TET2: variants seen among roughly 807,000 people sequenced by gnomAD.
TET2 encodes the protein methylcytosine dioxygenase TET2.
Under a neutral mutation model 142.9 loss-of-function variants are expected in TET2, and 299 were observed. The ratio of observed to expected loss-of-function variants is 2.09; its 90% CI spans 1.90 to 2.30. The LOEUF is 2.30. Among genes scored for constraint, TET2 ranks in the 30% most tolerant of loss-of-function variants. The probability of loss-of-function intolerance (pLI) is 0.00; values close to 1 mark genes in which losing one functional copy is unlikely to be tolerated. For synonymous variants in TET2, 819 were observed against 849.0 expected (o/e 0.96, Z 0.61); for missense variants, 2,418 against 2,378.0 (o/e 1.02, Z -0.35).
In TET2 at chr4:105,254,191, T is replaced by C. The variant is rs150604143; in HGVS notation, c.3804-5428T>C. The stretch of plus-strand genomic sequence containing the variant: ...CTGTCTTAATTGAGATTGTAGAGAA[T>C]TCATATAATTTCTTCCTTAAAACTT... On this transcript the variant is annotated intron_variant, in intron 6 of 10. Coordinates refer to ENST00000380013, the MANE Select transcript of TET2 (RefSeq NM_001127208.3). 2.0e-3 allele frequency among the ~76,000 whole-genome samples: 310 copies of C among 152,362 alleles called. 1 individual carries two copies. The highest frequency in any genetic ancestry group is 7.2e-3 in the African/African-American group (301 of 41,592).
Position 105,276,232 on chromosome 4 carries a change from A to C in TET2, c.5722A>C (p.Asn1908His). The stretch of plus-strand genomic sequence containing the variant: ...CGTCTTTTACCAGCATAAGAGCATG[A>C]ATGAGCCAAAACATGGCTTGGCTCT... ...SLVFYQHKSM[N>H]EPKHGLALWE... Residue 1908 changes from asparagine (N) to histidine (H), a missense_variant, in exon 11 of 11, where the codon AAT becomes CAT. Transcript: ENST00000380013. The C allele has an allele frequency of 3.2e-6, 5 of 1,551,704 alleles. No homozygotes were observed. Among genetic ancestry groups the C allele is most frequent in the Non-Finnish European group, 3.5e-6 (4 of 1,146,978 alleles).
intron 2 of TET2, among the ~76,000 whole-genome samples, chr4:105,194,046 C>G (rs1725936692): frequency 6.6e-6 from 1 of 152,088 alleles, no homozygotes; most frequent in South Asian, 2.1e-4. Context: ...TGTTACATGA[C>G]TTTATAGCCA....
At chr4:105,225,576 G>A (rs1728142104) in intron 2 of TET2, among the ~76,000 whole-genome samples, 1 of 152,138 alleles carries the variant, frequency 6.6e-6, no homozygotes, top group African/African-American at 2.4e-5. Context: ...TTGGGTGGCT[G>A]ATATGCCCAC....
chr4:105,193,981 G>GAC (rs772906299), intron 2 of TET2, among the ~76,000 whole-genome samples: 2 of 152,208 alleles, frequency 1.3e-5, no homozygotes, highest in Middle Eastern at 3.4e-3. Flanking sequence ...GGAACCATTA[G>GAC]ACATCAGCTA....
rs2110231617 is a variant in TET2, at chr4:105,236,045, G to A, written c.2103G>A (p.Gln701=). 1.2e-6 allele frequency: 2 copies of A among 1,614,112 alleles called. No individual in the cohort carries two copies. Among genetic ancestry groups the A allele is most frequent in the Non-Finnish European group, 1.7e-6 (2 of 1,180,004 alleles). ...TEKLMSPVLK[Q]HLNQQASETE... is the part of the protein sequence containing the mutation. ...AACTTATGTCCCCAGTGTTGAAACA[G>A]CACTTGAATCAACAGGCTTCAGAGA... The change falls in exon 3 of 11, where the codon CAG becomes CAA. Residue 701 remains glutamine (Q), a synonymous_variant. Transcript: ENST00000380013.
chr4:105,196,411 C>G (rs764986909), intron 2 of TET2, among the ~76,000 whole-genome samples: 1 of 152,052 alleles, frequency 6.6e-6, no homozygotes. Flanking sequence ...CTACTTATCC[C>G]CTTTTCAGAG....
At chr4:105,233,013 TC>T (rs1242246558) in intron 2 of TET2, among the ~76,000 whole-genome samples, 1 of 152,120 alleles carries the variant, frequency 6.6e-6, no homozygotes, top group African/African-American at 2.4e-5. Flanking sequence ...TTTACAATCT[TC>T]CTTTTGATAA....
chr4:105,203,855 G>A (rs1726630996), intron 2 of TET2, among the ~76,000 whole-genome samples: 1 of 152,082 alleles, frequency 6.6e-6, no homozygotes, highest in African/African-American at 2.4e-5. Context: ...GGCAAATTTA[G>A]TCTCCTCCCA....
chr4:105,200,892 T>C (rs4235413), intron 2 of TET2, among the ~76,000 whole-genome samples: 27,098 of 151,972 alleles, frequency 0.18, 3,568 homozygotes, highest in African/African-American at 0.37. Flanking sequence ...ATCTCTTGAC[T>C]TCATGATCTG....
chr4:105,238,021 A>G (rs1729058385), intron 3 of TET2: 3 of 668,820 alleles, frequency 4.5e-6, no homozygotes, highest in Non-Finnish European at 5.9e-6. Context: ...CCATACCACA[A>G]TAAAATGAAT....
At chr4:105,270,467 T>TA (rs1730896981) in intron 9 of TET2, among the ~76,000 whole-genome samples, 1 of 152,110 alleles carries the variant, frequency 6.6e-6, no homozygotes, top group East Asian at 1.9e-4. Flanking sequence ...AAAAGCCAAA[T>TA]ACAAGCCATT....
At chr4:105,252,863 G>A (rs768126884) in intron 6 of TET2, among the ~76,000 whole-genome samples, 2 of 152,124 alleles carry the variant, frequency 1.3e-5, no homozygotes, top group Non-Finnish European at 2.9e-5. Context: ...GAGTTGTCCA[G>A]TTGTTCCCGT....
intron 1 of TET2, among the ~76,000 whole-genome samples, chr4:105,151,557 A>G (rs148553042): frequency 2.0e-3 from 300 of 151,774 alleles, no homozygotes; most frequent in African/African-American, 7.0e-3. Flanking sequence ...CAGTTTTAAG[A>G]ATTCAGAACT....
chr4:105,240,415 G>A (rs1270050941), intron 3 of TET2: 23 of 1,071,946 alleles, frequency 2.1e-5, no homozygotes, highest in East Asian at 1.6e-4. Context: ...AGATATATAC[G>A]TGGATAGAGA....
At chr4:105,163,832 AGAGAGAGAGAGAGAGAGAGAGAGT>A (rs1336049019) in intron 1 of TET2, among the ~76,000 whole-genome samples, 2,772 of 148,132 alleles carry the variant, frequency 0.019, 22 homozygotes, top group Middle Eastern at 0.035. Context: ...AGAGAGAGAG[AGAGAGAGAGAGAGAGAGAGAGAGT>A]GTGTGTGTGT....
At position 105,237,492 on chromosome 4, in the gene TET2, A is replaced by AT. The variant is rs774473022; in HGVS notation, c.3409+147dup. 7 of 1,604,744 alleles carry AT rather than the reference A, an allele frequency of 4.4e-6. No individual in the cohort carries two copies. In the African/African-American group the frequency reaches 6.7e-5, roughly 15 times the overall value. On this transcript the variant is annotated intron_variant, in intron 3 of 10. Coordinates refer to ENST00000380013, the MANE Select transcript of TET2 (RefSeq NM_001127208.3). ...AGGCTCATAAAAATCTGAAGCTTAC[A>AT]TTTTTTGTCAAGTTACCGATGCTTG...
chr4:105,152,370 GTTGT>G (rs1236175139), intron 1 of TET2, among the ~76,000 whole-genome samples: 4 of 152,034 alleles, frequency 2.6e-5, no homozygotes. Flanking sequence ...AAATGAACTG[GTTGT>G]TTGACTAAAA....
At position 105,249,794 on chromosome 4, in the gene TET2, T is replaced by C. The variant is rs1236914315; in HGVS notation, c.3803+6016T>C. ...TTTTTAGAGTTGTAAGAATATGTTA[T>C]GTTGATACTTGAACTTTGTCAAATG... is the stretch of plus-strand genomic sequence containing the variant. On this transcript the variant is annotated intron_variant, in intron 6 of 10. Transcript: ENST00000380013. Among the ~76,000 whole-genome samples, 3 of 152,238 alleles carry C rather than the reference T, an allele frequency of 2.0e-5. No individual in the cohort carries two copies. In the South Asian group the frequency reaches 6.2e-4, roughly 31 times the overall value.
chr4:105,163,854 AGTGTGTGTGTGT>A (rs111673454), intron 1 of TET2, among the ~76,000 whole-genome samples: 2 of 85,238 alleles, frequency 2.3e-5, no homozygotes, highest in South Asian at 9.3e-4. Flanking sequence ...AGAGAGAGAG[AGTGTGTGTGTGT>A]GTGTGTGTGT....
Sources: gnomAD v4.1 joint callset for allele counts (sites outside exome capture counted in the v4.1 genomes callset) on GRCh38, gnomAD v4.1.1 for gene constraint, MANE v1.5 for transcripts, NCBI Gene and HGNC (gene_info 2026-07-23, HGNC 2026-07-21) for gene names.